TBCA: variants seen among roughly 807,000 people sequenced by gnomAD.
TBCA encodes tubulin-specific chaperone A.
In TBCA, 6 loss-of-function variants were observed where a neutral mutation model predicts 15.8. The observed-to-expected ratio is 0.38, with a 90% CI of 0.21 to 0.75. The LOEUF (loss-of-function observed/expected upper bound fraction) is 0.75. Among genes scored for constraint, TBCA ranks in the 30% least tolerant of loss-of-function variants. The pLI is 0.46. For synonymous variants in TBCA, 32 were observed against 42.3 expected, an observed-to-expected ratio of 0.76 and a Z score of 0.94; for missense variants, 90 against 131.2, an observed-to-expected ratio of 0.69 and a Z score of 1.53.
chr5:77,755,505 G>GCCC (rs1561281878), intron 1 of TBCA, among the ~76,000 whole-genome samples: 2 of 152,050 alleles, frequency 1.3e-5, no homozygotes, highest in Non-Finnish European at 2.9e-5. Flanking sequence ...AACCTGGGAG[G>GCCC]TGGAGGTTGC....
At chr5:77,749,668 T>TAA (rs1199106347) in intron 1 of TBCA, among the ~76,000 whole-genome samples, 9 of 152,314 alleles carry the variant, frequency 5.9e-5, no homozygotes, top group African/African-American at 1.9e-4. Flanking sequence ...TCTCAATACG[T>TAA]AAAACACACA....
chr5:77,773,720 T>A (rs1225941173), intron 1 of TBCA, among the ~76,000 whole-genome samples: 2 of 152,222 alleles, frequency 1.3e-5, no homozygotes, highest in Non-Finnish European at 2.9e-5. Context: ...TCTTAAAAAG[T>A]GAATTTATTC....
intron 1 of TBCA, among the ~76,000 whole-genome samples, chr5:77,768,300 A>C (rs914248586): frequency 6.6e-6 from 1 of 152,246 alleles, no homozygotes; most frequent in East Asian, 1.9e-4. Context: ...TACCTTATTT[A>C]ATTATCCTAA....
intron 1 of TBCA, among the ~76,000 whole-genome samples, chr5:77,731,343 T>A (rs1746763672): frequency 6.6e-6 from 1 of 152,198 alleles, no homozygotes; most frequent in African/African-American, 2.4e-5. Flanking sequence ...TTCCACTGGT[T>A]CAAAGTTACT....
At chr5:77,713,537 AT>A (rs1317178346) in intron 1 of TBCA, among the ~76,000 whole-genome samples, 5 of 152,180 alleles carry the variant, frequency 3.3e-5, no homozygotes, top group African/African-American at 1.2e-4. Flanking sequence ...TCCTAAAAAA[AT>A]ATTTTAAATA....
intron 1 of TBCA, among the ~76,000 whole-genome samples, chr5:77,750,208 G>A (rs1030758192): frequency 1.3e-5 from 2 of 151,080 alleles, no homozygotes; most frequent in African/African-American, 4.9e-5. Flanking sequence ...ACACATATTT[G>A]TGCCATGTAT....
intron 1 of TBCA, among the ~76,000 whole-genome samples, chr5:77,737,078 T>C (rs1324567720): frequency 6.6e-6 from 1 of 152,202 alleles, no homozygotes; most frequent in Non-Finnish European, 1.5e-5. Context: ...CGATAGAGCT[T>C]ACAATTGAAT....
chr5:77,703,531 C>T (rs879072489), intron 2 of TBCA, among the ~76,000 whole-genome samples: 2 of 152,070 alleles, frequency 1.3e-5, no homozygotes, highest in Admixed American at 1.3e-4. Context: ...GATATTCTAG[C>T]CTCCTGAAAA....
intron 1 of TBCA, among the ~76,000 whole-genome samples, chr5:77,730,850 T>C (rs1038612098): frequency 1.4e-4 from 21 of 152,328 alleles, no homozygotes; most frequent in African/African-American, 5.1e-4. Flanking sequence ...GGTTATAGAA[T>C]AGGTTATAGA....
chr5:77,720,181 G>A (rs1474327534), intron 1 of TBCA, among the ~76,000 whole-genome samples: 4 of 151,952 alleles, frequency 2.6e-5, no homozygotes, highest in Non-Finnish European at 4.4e-5. Context: ...CAACCTTTGC[G>A]GTATCGTTCA....
chr5:77,708,483 GA>G (rs1746200757), intron 1 of TBCA, 136 bp from the exon 2 acceptor site: 1 of 551,348 alleles, frequency 1.8e-6, no homozygotes, highest in African/African-American at 1.9e-5. Context: ...AGGAACAGAA[GA>G]AAAATAGTTT....
chr5:77,745,855 T>C (rs543492837), intron 1 of TBCA, among the ~76,000 whole-genome samples: 15 of 152,294 alleles, frequency 9.8e-5, no homozygotes, highest in African/African-American at 2.4e-4. Context: ...CTCACCAAAA[T>C]TGTTGAACTC....
chr5:77,773,912 C>T (rs1186799462), intron 1 of TBCA, among the ~76,000 whole-genome samples: 1 of 152,150 alleles, frequency 6.6e-6, no homozygotes, highest in Non-Finnish European at 1.5e-5. Context: ...CTTCTTGGGT[C>T]TGAACAATAA....
At chr5:77,743,832 A>G (rs1037248527) in intron 1 of TBCA, among the ~76,000 whole-genome samples, 1 of 152,104 alleles carries the variant, frequency 6.6e-6, no homozygotes, top group Non-Finnish European at 1.5e-5. Flanking sequence ...CCCATTTCAC[A>G]AAGTTGTGCC....
At chr5:77,773,338 GTTTT>G (rs10589730) in intron 1 of TBCA, among the ~76,000 whole-genome samples, 1 of 151,300 alleles carries the variant, frequency 6.6e-6, no homozygotes, top group Admixed American at 6.6e-5. Flanking sequence ...CTTTAGACAA[GTTTT>G]TTTTTTCTTT....
intron 1 of TBCA, among the ~76,000 whole-genome samples, chr5:77,771,511 G>C (rs2112521266): frequency 1.3e-5 from 2 of 152,264 alleles, no homozygotes; most frequent in Middle Eastern, 3.4e-3. Flanking sequence ...AGTTTCTCTA[G>C]GAACAAGACA....
chr5:77,759,141 T>C (rs1247190760), intron 1 of TBCA, among the ~76,000 whole-genome samples: 2 of 152,164 alleles, frequency 1.3e-5, no homozygotes, highest in Non-Finnish European at 2.9e-5. Context: ...TATCAGTCAA[T>C]ACATGTAAGA....
chr5:77,728,038 T>C (rs368782931), intron 1 of TBCA, among the ~76,000 whole-genome samples: 3 of 152,270 alleles, frequency 2.0e-5, no homozygotes, highest in African/African-American at 7.2e-5. Context: ...TAAGAGTTCA[T>C]TCCCTCCTCA....
chr5:77,749,677 C>T (rs1747272068), intron 1 of TBCA, among the ~76,000 whole-genome samples: 1 of 152,176 alleles, frequency 6.6e-6, no homozygotes, highest in South Asian at 2.1e-4. Flanking sequence ...GTAAAACACA[C>T]ATAGTACCCT....
Sources: gnomAD v4.1 joint callset for allele counts (sites outside exome capture counted in the v4.1 genomes callset) on GRCh38, gnomAD v4.1.1 for gene constraint, MANE v1.5 for transcripts, NCBI Gene and HGNC (gene_info 2026-07-23, HGNC 2026-07-21) for gene names.